Variants in PCDHA11 observed in about 807,000 individuals in gnomAD.
PCDHA11 encodes the protein protocadherin alpha-11.
Under a neutral mutation model 70.3 loss-of-function variants are expected in PCDHA11, and 61 were observed. The ratio of observed to expected loss-of-function variants is 0.87; its 90% CI spans 0.71 to 1.07. The LOEUF (loss-of-function observed/expected upper bound fraction) is 1.07, where lower values mean the gene tolerates loss of function less well. Among genes scored for constraint, PCDHA11 ranks in the 50% least tolerant of loss-of-function variants. The pLI is 0.00. For synonymous variants in PCDHA11, 633 were observed against 555.1 expected (o/e 1.14, Z -1.97); for missense variants, 1,324 against 1,237.5 (o/e 1.07, Z -1.05).
intron 3 of PCDHA11, among the ~76,000 whole-genome samples, chr5:140,986,398 G>A (rs973049448): frequency 7.2e-5 from 11 of 152,174 alleles, no homozygotes; most frequent in African/African-American, 2.4e-4. Flanking sequence ...AGGGCCAGTC[G>A]CTCATGTTAC....
chr5:140,955,557 C>T (rs1281978824), intron 1 of PCDHA11, among the ~76,000 whole-genome samples: 1 of 152,114 alleles, frequency 6.6e-6, no homozygotes, highest in East Asian at 1.9e-4. Flanking sequence ...GCCTCCCCAG[C>T]CATACTGAAC....
At chr5:140,946,903 T>A (rs2094054259) in intron 1 of PCDHA11, among the ~76,000 whole-genome samples, 1 of 151,408 alleles carries the variant, frequency 6.6e-6, no homozygotes, top group African/African-American at 2.4e-5. Flanking sequence ...ATAGGAAGAA[T>A]AAGTTCTGGT....
chr5:140,913,659 A>T (rs1414002446), intron 1 of PCDHA11, among the ~76,000 whole-genome samples: 2 of 152,044 alleles, frequency 1.3e-5, no homozygotes, highest in Non-Finnish European at 2.9e-5. Flanking sequence ...TTTAAGATGT[A>T]TAGTTAGGTT....
At chr5:140,988,471 G>A (rs1442408975) in intron 3 of PCDHA11, among the ~76,000 whole-genome samples, 1 of 152,078 alleles carries the variant, frequency 6.6e-6, no homozygotes, top group Non-Finnish European at 1.5e-5. Context: ...TGTGGGAAGG[G>A]GAATTAGCAT....
In PCDHA11 at chr5:140,870,247, G is replaced by C. The variant is rs2051798085; in HGVS notation, c.1144G>C (p.Gly382Arg). 5.6e-6 allele frequency: 9 copies of C among 1,614,024 alleles called. No homozygotes were observed. The highest frequency in any genetic ancestry group is 1.7e-5 in the Admixed American group (1 of 60,008). The change falls in exon 1 of 4, where the codon GGA becomes CGA. Residue 382 changes from glycine (G) to arginine (R), a missense_variant. By Grantham distance (125) the Gly-to-Arg change is moderately radical (BLOSUM62 -2). Transcript: ENST00000398640. ...GTCTGACCGTGACTCAGGTGTCAAC[G>C]GACAGGTGACCTGCTCGCTGACGCC... ...SVSDRDSGVN[G>R]QVTCSLTPHV... is the part of the protein sequence containing the mutation.
At chr5:140,918,977 AG>A (rs1226723076) in intron 1 of PCDHA11, among the ~76,000 whole-genome samples, 6 of 152,192 alleles carry the variant, frequency 3.9e-5, no homozygotes, top group African/African-American at 1.4e-4. Context: ...CGTTTAGGTT[AG>A]TTGGTTTTTA....
intron 1 of PCDHA11, chr5:140,877,194 A>G (rs1350324855): frequency 1.2e-6 from 2 of 1,613,646 alleles, no homozygotes; most frequent in Non-Finnish European, 1.7e-6. Context: ...GCAGCGCAGG[A>G]GGCGCAGTTA....
At chr5:140,900,373 G>T (rs1225159327) in intron 1 of PCDHA11, among the ~76,000 whole-genome samples, 2 of 152,118 alleles carry the variant, frequency 1.3e-5, no homozygotes, top group Non-Finnish European at 2.9e-5. Flanking sequence ...TGCCTCCTGG[G>T]TTCAAGCGAT....
intron 1 of PCDHA11, chr5:140,884,644 C>T (rs1554181804): frequency 6.2e-7 from 1 of 1,608,094 alleles, no homozygotes; most frequent in South Asian, 1.1e-5. Flanking sequence ...GGGAGGAGGA[C>T]TCAGAATGCT....
chr5:140,982,795 A>ATG (rs60616196), intron 3 of PCDHA11, among the ~76,000 whole-genome samples: 5,064 of 151,610 alleles, frequency 0.033, 263 homozygotes, highest in African/African-American at 0.11. Context: ...GCATGTGTGC[A>ATG]TGTGTGTGTG....
chr5:140,893,294 T>C (rs539821362), intron 1 of PCDHA11, among the ~76,000 whole-genome samples: 97 of 152,304 alleles, frequency 6.4e-4, no homozygotes, highest in African/African-American at 2.3e-3. Flanking sequence ...ATATGGTAGT[T>C]CTATTTGTAG....
At chr5:140,905,787 G>A (rs1468265319) in intron 1 of PCDHA11, among the ~76,000 whole-genome samples, 1 of 152,012 alleles carries the variant, frequency 6.6e-6, no homozygotes, top group Non-Finnish European at 1.5e-5. Context: ...TATTAGTCAG[G>A]GTTCTCTAGA....
intron 1 of PCDHA11, chr5:140,877,750 T>C (rs782654875): frequency 6.2e-7 from 1 of 1,614,146 alleles, no homozygotes; most frequent in Non-Finnish European, 8.5e-7. Flanking sequence ...GAGGGTGTGC[T>C]CTGCAGAGAG....
chr5:140,957,541 A>C (rs2153713960), intron 1 of PCDHA11, among the ~76,000 whole-genome samples: 1 of 152,298 alleles, frequency 6.6e-6, no homozygotes, highest in South Asian at 2.1e-4. Flanking sequence ...GATCTTAGAA[A>C]GTATTCTCTG....
Position 140,914,027 on chromosome 5 carries a change from T to G in PCDHA11, c.2391+42533T>G, listed in dbSNP as rs188298966. Among the ~76,000 whole-genome samples the G allele has an allele frequency of 8.0e-3, 1,214 of 152,300 alleles. 6 individuals carry two copies. Among genetic ancestry groups the G allele is most frequent in the African/African-American group, 0.019 (784 of 41,574 alleles). On this transcript the variant is annotated intron_variant, in intron 1 of 3. Coordinates refer to ENST00000398640, the MANE Select transcript of PCDHA11 (RefSeq NM_018902.5). ...CTATCTTTGAGAATGATCCACGTGCTGAGAAGAATGTGTATTCTGCAGCTG... is the reference window on the plus strand; with the variant it reads ...CTATCTTTGAGAATGATCCACGTGCGGAGAAGAATGTGTATTCTGCAGCTG...
intron 1 of PCDHA11, chr5:140,927,597 C>T (rs781933372): frequency 1.2e-6 from 2 of 1,614,200 alleles, no homozygotes; most frequent in South Asian, 1.1e-5. Context: ...TATTTGAGCG[C>T]TCCGTATACC....
intron 1 of PCDHA11, among the ~76,000 whole-genome samples, chr5:140,906,181 T>C (rs944915696): frequency 6.6e-6 from 1 of 152,170 alleles, no homozygotes. Flanking sequence ...CTTTGCATCC[T>C]TCAATCCAAT....
chr5:140,962,245 T>C (rs2095666561), intron 1 of PCDHA11, among the ~76,000 whole-genome samples: 1 of 152,170 alleles, frequency 6.6e-6, no homozygotes, highest in Non-Finnish European at 1.5e-5. Context: ...ACCATTTTCT[T>C]CAATGAAAAA....
chr5:140,971,468 A>C (rs938390548), intron 1 of PCDHA11, among the ~76,000 whole-genome samples: 7 of 152,174 alleles, frequency 4.6e-5, no homozygotes, highest in African/African-American at 7.2e-5. Context: ...AGTTATAGGG[A>C]GAGAGTGTCA....
Sources: allele counts gnomAD v4.1 joint callset (sites outside exome capture counted in the v4.1 genomes callset), GRCh38; gene constraint gnomAD v4.1.1; transcripts MANE v1.5; gene names NCBI Gene and HGNC (gene_info 2026-07-23, HGNC 2026-07-21).